Variants in TSPEAR observed in about 807,000 individuals in gnomAD.
TSPEAR encodes the protein thrombospondin type laminin G domain and EAR repeats, also known as thrombospondin-type laminin G domain and EAR repeat-containing protein.
Under a neutral mutation model 71.6 loss-of-function variants are expected in TSPEAR, and 69 were observed. The ratio of observed to expected loss-of-function variants is 0.96; its 90% CI spans 0.79 to 1.18. TSPEAR has a LOEUF of 1.18. Among genes scored for constraint, TSPEAR ranks in the 50% most tolerant of loss-of-function variants. The pLI, the probability that TSPEAR is intolerant of heterozygous loss-of-function variation, is 0.00. For missense variants in TSPEAR, 971 were observed against 894.9 expected (o/e 1.09, Z -1.09); for synonymous variants, 402 against 387.2 (o/e 1.04, Z -0.45).
chr21:44,543,316 G>T lies in TSPEAR; in HGVS notation c.304-9393C>A, dbSNP rs1163079500. 2.0e-5 allele frequency among the ~76,000 whole-genome samples: 3 copies of T among 152,092 alleles called. No individual in the cohort carries two copies. In the East Asian group the frequency reaches 5.8e-4, roughly 29 times the overall value. ...TGGCAAGAACACAAAATTCAGGAGG[G>T]GCTACATAGAGTTAAAGTGGCTTAA... is the stretch of plus-strand genomic sequence containing the variant. On this transcript the variant is annotated intron_variant, in intron 2 of 11. Coordinates refer to ENST00000323084, the MANE Select transcript of TSPEAR (RefSeq NM_144991.3).
chr21:44,663,350 A>T (rs1384084943), intron 1 of TSPEAR, among the ~76,000 whole-genome samples: 1 of 152,154 alleles, frequency 6.6e-6, no homozygotes, highest in Non-Finnish European at 1.5e-5. Flanking sequence ...ATTAAATTTG[A>T]TAACATACAT....
At chr21:44,697,030 ACTCACTCCCTCCCTC>A in intron 1 of TSPEAR, 3 of 956,432 alleles carry the variant, frequency 3.1e-6, no homozygotes, top group Non-Finnish European at 4.4e-6. Context: ...CCAGACGCTC[ACTCACTCCCTCCCTC>A]CTGCCCATCC....
intron 2 of TSPEAR, among the ~76,000 whole-genome samples, chr21:44,536,312 G>A (rs1017128030): frequency 2.0e-5 from 3 of 152,286 alleles, no homozygotes; most frequent in East Asian, 1.9e-4. Context: ...CTACCCACTC[G>A]CATTTTGGGC....
chr21:44,592,483 ATGCTGGGGTTGAAC>A, intron 1 of TSPEAR: 1 of 1,607,908 alleles, frequency 6.2e-7, no homozygotes, highest in South Asian at 1.1e-5. Flanking sequence ...GGACGCGGCC[ATGCTGGGGTTGAAC>A]TGGTGGAGGG....
At chr21:44,697,765 C>G (rs369390012) in intron 1 of TSPEAR, 29 of 1,614,016 alleles carry the variant, frequency 1.8e-5, no homozygotes, top group Non-Finnish European at 2.4e-5. Context: ...CCACCTCCTG[C>G]TGCAGACCCT....
chr21:44,691,971 C>T lies in TSPEAR; in HGVS notation c.82+19462G>A, dbSNP rs373165777. 4.6e-5 allele frequency among the ~76,000 whole-genome samples: 7 copies of T among 152,220 alleles called. No individual in the cohort carries two copies. The South Asian group carries it at 1.2e-3, about 27-fold the overall frequency. On this transcript the variant is annotated intron_variant, in intron 1 of 11. Transcript: ENST00000323084. ...GCAAAAATTCTCAACAAAATACTAG[C>T]AAAGTGATTCCAACAGCATATTAAA... is the stretch of plus-strand genomic sequence containing the variant.
intron 1 of TSPEAR, among the ~76,000 whole-genome samples, chr21:44,616,489 T>A (rs587668297): frequency 3.3e-5 from 5 of 151,602 alleles, no homozygotes; most frequent in African/African-American, 4.9e-5. Context: ...CCGACCCTGG[T>A]TCCCCAGTCC....
rs561204991 is a variant in TSPEAR, at chr21:44,688,996, G to A, written c.82+22437C>T. ...TGAGGCTGGCGATGGATGGACCTGC[G>A]CCCCGAGCATAGAGCACCAGGCCAA... On this transcript the variant is annotated intron_variant, in intron 1 of 11. Transcript: ENST00000323084. 3.9e-5 allele frequency among the ~76,000 whole-genome samples: 6 copies of A among 152,196 alleles called. 1 individual carries two copies. The highest frequency in any genetic ancestry group is 1.2e-4 in the African/African-American group (5 of 41,544).
chr21:44,564,880 A>G (rs2053683151), intron 2 of TSPEAR, among the ~76,000 whole-genome samples: 1 of 152,198 alleles, frequency 6.6e-6, no homozygotes, highest in African/African-American at 2.4e-5. Context: ...GACATATGTT[A>G]GGCCATAAAA....
At chr21:44,675,439 C>T (rs1412019436) in intron 1 of TSPEAR, among the ~76,000 whole-genome samples, 2 of 152,090 alleles carry the variant, frequency 1.3e-5, no homozygotes, top group African/African-American at 4.8e-5. Context: ...ATAATAAAGG[C>T]CATGTATGAC....
intron 1 of TSPEAR, among the ~76,000 whole-genome samples, chr21:44,684,785 G>A (rs1443700751): frequency 1.3e-5 from 2 of 152,218 alleles, no homozygotes; most frequent in Non-Finnish European, 2.9e-5. Context: ...GGAAGGTAAA[G>A]GAGCAGGTAA....
Position 44,640,413 on chromosome 21 carries a change from T to TA in TSPEAR, c.82+71019dup, listed in dbSNP as rs1242267321. Among the ~76,000 whole-genome samples the TA allele has an allele frequency of 3.3e-5, 5 of 152,280 alleles. No homozygotes were observed. In the East Asian group the frequency reaches 9.7e-4, roughly 29 times the overall value. On this transcript the variant is annotated intron_variant, in intron 1 of 11. Coordinates refer to ENST00000323084, the MANE Select transcript of TSPEAR (RefSeq NM_144991.3). ...GAGGGGCTCATGAGGAGTGACTGCT[T>TA]ATGGGTGTGGTTTTTGGAGTGGGAA...
chr21:44,504,403 C>T (rs1455179217), intron 11 of TSPEAR, among the ~76,000 whole-genome samples: 8 of 122,818 alleles, frequency 6.5e-5, no homozygotes, highest in South Asian at 5.5e-4. Flanking sequence ...GGTGAGCCCT[C>T]GGGGGAAGCA....
Position 44,579,846 on chromosome 21 carries a change from A to T in TSPEAR, c.83-11841T>A, listed in dbSNP as rs75522623. 3 of 1,594,968 alleles carry T rather than the reference A, an allele frequency of 1.9e-6. No individual in the cohort carries two copies. The African/African-American group carries it at 4.0e-5, about 21-fold the overall frequency. ...CGGCAGCAGCTGGCCTGGTAGGAGG[A>T]GGCAGGGGCACAGCAGGAGGAGATG... is the stretch of plus-strand genomic sequence containing the variant. On this transcript the variant is annotated intron_variant, in intron 1 of 11. Transcript: ENST00000323084.
chr21:44,617,939 A>G (rs1011700250), intron 1 of TSPEAR, among the ~76,000 whole-genome samples: 3 of 152,264 alleles, frequency 2.0e-5, no homozygotes, highest in Non-Finnish European at 4.4e-5. Flanking sequence ...TTTCAAATTC[A>G]TAAAGATATT....
intron 1 of TSPEAR, chr21:44,681,652 G>T (rs1986595476): frequency 2.5e-6 from 2 of 790,762 alleles, no homozygotes; most frequent in Non-Finnish European, 3.9e-6. Flanking sequence ...TCCCTGGGGG[G>T]ATAGGCAAGT....
chr21:44,604,697 C>T (rs192047979), intron 1 of TSPEAR, among the ~76,000 whole-genome samples: 23 of 152,346 alleles, frequency 1.5e-4, no homozygotes, highest in Non-Finnish European at 1.5e-5. Context: ...CAGCTTTTCA[C>T]CACTGAGTAT....
chr21:44,560,118 C>G (rs2053610976), intron 2 of TSPEAR, among the ~76,000 whole-genome samples: 1 of 151,956 alleles, frequency 6.6e-6, no homozygotes, highest in Non-Finnish European at 1.5e-5. Flanking sequence ...CACATAGGCT[C>G]AAAATAAAGG....
intron 9 of TSPEAR, among the ~76,000 whole-genome samples, chr21:44,516,910 T>G (rs782368337): frequency 6.6e-6 from 1 of 152,196 alleles, no homozygotes; most frequent in Non-Finnish European, 1.5e-5. Flanking sequence ...CAGCTCTGCA[T>G]GCGAGAACGC....
Sources: gnomAD v4.1 joint callset for allele counts (sites outside exome capture counted in the v4.1 genomes callset) on GRCh38, gnomAD v4.1.1 for gene constraint, MANE v1.5 for transcripts, NCBI Gene and HGNC (gene_info 2026-07-23, HGNC 2026-07-21) for gene names.